Variants in ESRRG observed in about 807,000 individuals in gnomAD.
The protein encoded by ESRRG is estrogen-related receptor gamma.
In ESRRG, 13 loss-of-function variants were observed where a neutral mutation model predicts 44.0. That is an observed-to-expected ratio of 0.30 (90% CI 0.19 to 0.47). The LOEUF is 0.47. ESRRG is among the 20% of genes least tolerant of loss of function. The pLI is 1.00. For missense variants in ESRRG, 395 were observed against 580.6 expected (o/e 0.68, Z 3.29); for synonymous variants, 215 against 214.6 (o/e 1.00, Z -0.02).
chr1:216,546,817 A>G (rs2054650712), intron 5 of ESRRG, among the ~76,000 whole-genome samples: 1 of 151,414 alleles, frequency 6.6e-6, no homozygotes, highest in South Asian at 2.1e-4. Flanking sequence ...CTCTTTATAT[A>G]TATATATATA....
intron 2 of ESRRG, among the ~76,000 whole-genome samples, chr1:216,822,259 C>T (rs1192007966): frequency 6.6e-6 from 1 of 152,060 alleles, no homozygotes; most frequent in Non-Finnish European, 1.5e-5. Context: ...TTGCAAAATG[C>T]GATTTCATTA....
At chr1:216,835,181 T>A (rs2095544751) in intron 2 of ESRRG, among the ~76,000 whole-genome samples, 1 of 152,186 alleles carries the variant, frequency 6.6e-6, no homozygotes, top group African/African-American at 2.4e-5. Context: ...GGTAACACCG[T>A]GTTGAAAGAA....
At chr1:216,961,733 A>C (rs2069129175) in intron 1 of ESRRG, among the ~76,000 whole-genome samples, 1 of 152,160 alleles carries the variant, frequency 6.6e-6, no homozygotes, top group Non-Finnish European at 1.5e-5. Flanking sequence ...GTTGTAACAT[A>C]TATCATGTTC....
chr1:216,658,083 A>G (rs972961448), intron 2 of ESRRG, among the ~76,000 whole-genome samples: 1 of 152,108 alleles, frequency 6.6e-6, no homozygotes. Context: ...AGCAATGTCT[A>G]GTGACTGGAG....
At chr1:217,053,506 G>C (rs956813637) in intron 1 of ESRRG, among the ~76,000 whole-genome samples, 1 of 129,556 alleles carries the variant, frequency 7.7e-6, no homozygotes, top group Non-Finnish European at 1.7e-5. Flanking sequence ...AGAAATGCCT[G>C]CTGTAATGGG....
intron 2 of ESRRG, among the ~76,000 whole-genome samples, chr1:216,846,076 C>T (rs61815644): frequency 0.024 from 3,696 of 152,222 alleles, 66 homozygotes; most frequent in Middle Eastern, 0.058. Flanking sequence ...AAATTTAAAT[C>T]ATGTAAAAAG....
intron 1 of ESRRG, among the ~76,000 whole-genome samples, chr1:216,974,678 G>A (rs973649876): frequency 6.6e-6 from 1 of 152,118 alleles, no homozygotes; most frequent in African/African-American, 2.4e-5. Context: ...CTGCTCTGCT[G>A]TTTCTTGAGG....
At chr1:216,913,227 CCTAA>C (rs1429011877) in intron 2 of ESRRG, among the ~76,000 whole-genome samples, 1 of 152,096 alleles carries the variant, frequency 6.6e-6, no homozygotes, top group Non-Finnish European at 1.5e-5. Flanking sequence ...GTCATTACTC[CCTAA>C]CTAATACATT....
At chr1:216,967,969 T>C (rs2070813485) in intron 1 of ESRRG, among the ~76,000 whole-genome samples, 2 of 152,214 alleles carry the variant, frequency 1.3e-5, no homozygotes, top group Non-Finnish European at 2.9e-5. Context: ...CATTGTTGTT[T>C]TAATTTGAAA....
intron 3 of ESRRG, among the ~76,000 whole-genome samples, chr1:216,574,356 A>T (rs2061329973): frequency 6.6e-6 from 1 of 152,160 alleles, no homozygotes; most frequent in Non-Finnish European, 1.5e-5. Context: ...AGTAAAAAAA[A>T]TGCTGTGAGG....
chr1:216,849,818 T>C (rs1037819112), intron 2 of ESRRG, among the ~76,000 whole-genome samples: 1 of 152,132 alleles, frequency 6.6e-6, no homozygotes, highest in African/African-American at 2.4e-5. Context: ...ACAACAGTAA[T>C]ATTGAGCCAT....
intron 2 of ESRRG, among the ~76,000 whole-genome samples, chr1:216,909,471 C>G (rs2060070428): frequency 6.6e-6 from 1 of 152,098 alleles, no homozygotes; most frequent in African/African-American, 2.4e-5. Flanking sequence ...AGGATAAAAG[C>G]CTTATCTAAT....
At chr1:217,050,175 G>A (rs1160151125) in intron 1 of ESRRG, among the ~76,000 whole-genome samples, 1 of 152,134 alleles carries the variant, frequency 6.6e-6, no homozygotes, top group Non-Finnish European at 1.5e-5. Context: ...CATCTACAGT[G>A]ATGTGCCAAG....
chr1:216,797,653 T>G (rs1559677430), intron 2 of ESRRG, among the ~76,000 whole-genome samples: 1 of 152,126 alleles, frequency 6.6e-6, no homozygotes, highest in Non-Finnish European at 1.5e-5. Flanking sequence ...TTGCCTGATG[T>G]TTTTTGGGAT....
chr1:216,842,854 T>G (rs2095673853), intron 2 of ESRRG, among the ~76,000 whole-genome samples: 1 of 152,208 alleles, frequency 6.6e-6, no homozygotes, highest in Non-Finnish European at 1.5e-5. Flanking sequence ...ATGTGCCAGC[T>G]GTGATCTGAC....
intron 6 of ESRRG, among the ~76,000 whole-genome samples, chr1:216,513,769 C>G (rs1022497087): frequency 6.6e-6 from 1 of 152,236 alleles, no homozygotes; most frequent in East Asian, 1.9e-4. Flanking sequence ...TTCCATCTCT[C>G]TCTCCATATC....
intron 2 of ESRRG, among the ~76,000 whole-genome samples, chr1:216,845,203 G>GT (rs2095723140): frequency 6.6e-6 from 1 of 152,076 alleles, no homozygotes; most frequent in Non-Finnish European, 1.5e-5. Context: ...GTTGGAAAAT[G>GT]TTTTTCTGTC....
intron 2 of ESRRG, among the ~76,000 whole-genome samples, chr1:216,731,621 C>A (rs2088793191): frequency 1.3e-5 from 2 of 152,152 alleles, no homozygotes; most frequent in African/African-American, 4.8e-5. Context: ...ATGTATGTAT[C>A]AAAACTCAAT....
chr1:216,883,175 C>T (rs949765570), intron 2 of ESRRG, among the ~76,000 whole-genome samples: 7 of 151,944 alleles, frequency 4.6e-5, no homozygotes, highest in Middle Eastern at 6.8e-3. Flanking sequence ...GTCAGGAGTT[C>T]GAGACCAGCC....
Sources: allele counts gnomAD v4.1 joint callset (sites outside exome capture counted in the v4.1 genomes callset), GRCh38; gene constraint gnomAD v4.1.1; transcripts MANE v1.5; gene names NCBI Gene and HGNC (gene_info 2026-07-23, HGNC 2026-07-21).